PLXNA4: variants seen among roughly 807,000 people sequenced by gnomAD.
PLXNA4 encodes the protein plexin-A4.
Under a neutral mutation model 191.8 loss-of-function variants are expected in PLXNA4, and 44 were observed. The observed-to-expected ratio is 0.23, with a 90% confidence interval of 0.18 to 0.29. The LOEUF is 0.29. Ranked by LOEUF, PLXNA4 falls within the 10% of genes least tolerant of loss-of-function variation. The probability of loss-of-function intolerance (pLI) is 1.00; values close to 1 mark genes in which losing one functional copy is unlikely to be tolerated. For missense variants in PLXNA4, 1,800 were observed against 2,488.8 expected (o/e 0.72, Z 5.89); for synonymous variants, 1,082 against 1,009.5 (o/e 1.07, Z -1.36).
chr7:132,486,766 G>A (rs10235344), intron 3 of PLXNA4, among the ~76,000 whole-genome samples: 19,904 of 152,282 alleles, frequency 0.13, 1,701 homozygotes, highest in African/African-American at 0.24. Context: ...AATGCCGGCC[G>A]CGGTTTATGA....
chr7:132,359,261 ACG>A (rs1186028760), intron 3 of PLXNA4, among the ~76,000 whole-genome samples: 1 of 131,696 alleles, frequency 7.6e-6, no homozygotes, highest in East Asian at 2.2e-4. Context: ...TTGCTTTGTC[ACG>A]CAGGCTGGAG....
At position 132,125,038 on chromosome 7, in the gene PLXNA4, A is replaced by G. The variant is rs1488633170; in HGVS notation, c.*5441T>C. ...TATGGGGGAGCAAAAATTTGTAGTA[A>G]AAAAAAAAAAACTCTCTCTTGCATG... On this transcript the variant is annotated 3_prime_UTR_variant, in exon 32 of 32. Coordinates refer to ENST00000321063, the MANE Select transcript of PLXNA4 (RefSeq NM_020911.2). 1 of 147,484 alleles carries G rather than the reference A, an allele frequency of 6.8e-6. No homozygotes were observed. Among genetic ancestry groups the G allele is most frequent in the African/African-American group, 2.5e-5 (1 of 39,416 alleles). 9.1% of individuals were successfully genotyped at this position (147,484 alleles called of 1,614,324 possible).
At chr7:132,502,954 C>T (rs138853466) in intron 2 of PLXNA4, among the ~76,000 whole-genome samples, 21 of 152,244 alleles carry the variant, frequency 1.4e-4, no homozygotes, top group Admixed American at 9.2e-4. Flanking sequence ...GCTCCAAGGA[C>T]CCAAATTTTC....
intron 3 of PLXNA4, among the ~76,000 whole-genome samples, chr7:132,473,280 T>C (rs781177591): frequency 6.6e-6 from 1 of 152,176 alleles, no homozygotes; most frequent in African/African-American, 2.4e-5. Flanking sequence ...CCGGACACTT[T>C]TGCTGGTCAG....
rs1794810969 is a variant in PLXNA4 at position 132,127,797 on chromosome 7, TCCTAA to T, written c.*2677_*2681del. Reference sequence around the variant, plus strand: ...TTGTCTGTCCTTGTCTCCTCTTTCTTCCTAACCTTTCTATTTCTCTGAGGTGTTTG... The same window carrying T: ...TTGTCTGTCCTTGTCTCCTCTTTCTTCCTTTCTATTTCTCTGAGGTGTTTG... On this transcript the variant is annotated 3_prime_UTR_variant, in exon 32 of 32. Transcript: ENST00000321063. 3 of 152,110 alleles carry T rather than the reference TCCTAA, an allele frequency of 2.0e-5. No homozygotes were observed. Among genetic ancestry groups the T allele is most frequent in the African/African-American group, 7.2e-5 (3 of 41,416 alleles). 9.4% of individuals were successfully genotyped at this position (152,110 alleles called of 1,614,324 possible). A position where few individuals can be genotyped will look rare whatever the true frequency, so the allele number is the denominator to read the frequency against.
intron 1 of PLXNA4, among the ~76,000 whole-genome samples, chr7:132,646,739 A>C (rs1056351689): frequency 6.6e-6 from 1 of 152,170 alleles, no homozygotes; most frequent in African/African-American, 2.4e-5. Context: ...GAAAGAGGAT[A>C]TTTGAGATGT....
intron 3 of PLXNA4, among the ~76,000 whole-genome samples, chr7:132,416,289 C>T (rs377736764): frequency 2.0e-5 from 3 of 152,170 alleles, no homozygotes; most frequent in East Asian, 3.9e-4. Flanking sequence ...AAGAGGAGAA[C>T]CTAGGGCAGC....
At chr7:132,387,104 C>G (rs1322712311) in intron 3 of PLXNA4, among the ~76,000 whole-genome samples, 6 of 152,188 alleles carry the variant, frequency 3.9e-5, no homozygotes, top group Admixed American at 6.5e-5. Flanking sequence ...CAGCACAGGC[C>G]ACTAACAACT....
chr7:132,502,898 C>T (rs968950323), intron 2 of PLXNA4, among the ~76,000 whole-genome samples: 5 of 152,168 alleles, frequency 3.3e-5, no homozygotes, highest in Non-Finnish European at 7.3e-5. Context: ...GCTCCCACTA[C>T]TGGGGTTTGA....
At chr7:132,180,310 C>T (rs1376542288) in intron 19 of PLXNA4, among the ~76,000 whole-genome samples, 1 of 152,188 alleles carries the variant, frequency 6.6e-6, no homozygotes, top group Non-Finnish European at 1.5e-5. Flanking sequence ...CAGCAACAGC[C>T]TTCTCCTTGA....
rs149121233 is a variant in PLXNA4, at chr7:132,545,314, A to G, written c.-87+31108T>C. Among the ~76,000 whole-genome samples the G allele has an allele frequency of 2.7e-3, 406 of 152,312 alleles. 3 individuals carry two copies. The highest frequency in any genetic ancestry group is 9.4e-3 in the African/African-American group (390 of 41,554). Reference sequence around the variant, plus strand: ...TGTGTAGAGGCCTGGGAAACCTATCAAAGGAGAATGAGGTTGAACAAAAAC... The same window carrying G: ...TGTGTAGAGGCCTGGGAAACCTATCGAAGGAGAATGAGGTTGAACAAAAAC... On this transcript the variant is annotated intron_variant, in intron 1 of 31. Coordinates refer to ENST00000321063, the MANE Select transcript of PLXNA4 (RefSeq NM_020911.2).
At chr7:132,613,803 A>G (rs1803100331) in intron 2 of PLXNA4, among the ~76,000 whole-genome samples, 2 of 152,266 alleles carry the variant, frequency 1.3e-5, no homozygotes, top group South Asian at 2.1e-4. Flanking sequence ...ATATATTTTA[A>G]TAATTACATG....
intron 3 of PLXNA4, among the ~76,000 whole-genome samples, chr7:132,398,355 GTCCCGCTC>G (rs1793843471): frequency 6.6e-6 from 1 of 152,220 alleles, no homozygotes; most frequent in African/African-American, 2.4e-5. Context: ...CCTGCTGAGT[GTCCCGCTC>G]TCCTGAATAG....
chr7:132,509,305 C>T (rs1272272836), intron 1 of PLXNA4, among the ~76,000 whole-genome samples: 1 of 152,184 alleles, frequency 6.6e-6, no homozygotes, highest in African/African-American at 2.4e-5. Flanking sequence ...TCCTGCTGGA[C>T]CCCATCTGGC....
intron 1 of PLXNA4, among the ~76,000 whole-genome samples, chr7:132,551,826 AAC>A (rs1322685452): frequency 2.0e-5 from 3 of 152,200 alleles, no homozygotes; most frequent in Non-Finnish European, 4.4e-5. Context: ...ATGTTAAATA[AAC>A]AGAGATTTCC....
chr7:132,463,847 C>T (rs1429472617), intron 3 of PLXNA4, among the ~76,000 whole-genome samples: 1 of 152,166 alleles, frequency 6.6e-6, no homozygotes, highest in Non-Finnish European at 1.5e-5. Flanking sequence ...GTGGATAAAA[C>T]AGAACTAAAT....
chr7:132,151,697 A>C (rs1042734871), intron 25 of PLXNA4, among the ~76,000 whole-genome samples: 1 of 152,122 alleles, frequency 6.6e-6, no homozygotes, highest in Non-Finnish European at 1.5e-5. Flanking sequence ...AGCATCTACA[A>C]CTTAGTCCTG....
chr7:132,619,850 G>C (rs1803226905), intron 2 of PLXNA4, among the ~76,000 whole-genome samples: 1 of 152,240 alleles, frequency 6.6e-6, no homozygotes, highest in South Asian at 2.1e-4. Flanking sequence ...GCCCAGGCTG[G>C]AGTGCAGTGG....
At chr7:132,505,858 G>A (rs369870071) in intron 2 of PLXNA4, among the ~76,000 whole-genome samples, 2 of 152,048 alleles carry the variant, frequency 1.3e-5, no homozygotes, top group East Asian at 3.9e-4. Flanking sequence ...TAAGTTCACA[G>A]ACCTGTCTCA....
Sources: gnomAD v4.1 joint callset for allele counts (sites outside exome capture counted in the v4.1 genomes callset) on GRCh38, gnomAD v4.1.1 for gene constraint, MANE v1.5 for transcripts, NCBI Gene and HGNC (gene_info 2026-07-23, HGNC 2026-07-21) for gene names.